The following NEK1 variants were observed in gnomAD, a reference collection of about 807,000 sequenced individuals.
NEK1 encodes NIMA related kinase 1.
Under a neutral mutation model 182.1 loss-of-function variants are expected in NEK1, and 137 were observed. The ratio of observed to expected loss-of-function variants is 0.75; its 90% CI spans 0.65 to 0.87. The LOEUF is 0.87. NEK1 is among the 40% of genes least tolerant of loss of function. The pLI, the probability that NEK1 is intolerant of heterozygous loss-of-function variation, is 0.00. For missense variants in NEK1, 1,391 were observed against 1,494.4 expected (o/e 0.93, Z 1.14); for synonymous variants, 513 against 492.2 (o/e 1.04, Z -0.56).
chr4:169,437,424 T>G (rs1351486780), intron 28 of NEK1, among the ~76,000 whole-genome samples: 2 of 152,174 alleles, frequency 1.3e-5, no homozygotes. Flanking sequence ...GAGGGCAGAC[T>G]ATGGCAGATT....
chr4:169,475,063 C>T (rs1032021349), intron 26 of NEK1, among the ~76,000 whole-genome samples: 1 of 152,114 alleles, frequency 6.6e-6, no homozygotes, highest in Non-Finnish European at 1.5e-5. Context: ...ATGAGATGAT[C>T]CCTATGATTG....
chr4:169,411,217 C>T (rs1030809407), intron 31 of NEK1, among the ~76,000 whole-genome samples: 6 of 151,600 alleles, frequency 4.0e-5, no homozygotes, highest in Non-Finnish European at 8.8e-5. Flanking sequence ...TTAAGCCAAA[C>T]CTAAGGCCAC....
At chr4:169,406,505 TA>T (rs903892146) in intron 32 of NEK1, 90 bp downstream of exon 32, 276 of 904,774 alleles carry the variant, frequency 3.1e-4, no homozygotes, top group African/African-American at 2.9e-3. Context: ...GTTAATGAGT[TA>T]AAAAAAAGAG....
chr4:169,417,868 T>A (rs920235513), intron 31 of NEK1, among the ~76,000 whole-genome samples: 1 of 152,332 alleles, frequency 6.6e-6, no homozygotes. Flanking sequence ...GGAGAAAATA[T>A]CTGGACTTTG....
intron 18 of NEK1, among the ~76,000 whole-genome samples, chr4:169,540,459 T>TA (rs1426245194): frequency 6.6e-6 from 1 of 152,146 alleles, no homozygotes; most frequent in African/African-American, 2.4e-5. Context: ...CCCACATGCT[T>TA]AGTCCTCTCT....
intron 27 of NEK1, among the ~76,000 whole-genome samples, chr4:169,442,314 G>A (rs1214922908): frequency 6.6e-6 from 1 of 152,044 alleles, no homozygotes; most frequent in Non-Finnish European, 1.5e-5. Context: ...AGACACACAG[G>A]AATTCACAGA....
chr4:169,524,028 TG>T (rs1162666552), intron 19 of NEK1, among the ~76,000 whole-genome samples: 4 of 152,226 alleles, frequency 2.6e-5, no homozygotes, highest in Non-Finnish European at 4.4e-5. Context: ...GAGGTTCTTC[TG>T]TTAAGTTATT....
chr4:169,585,283 C>G, intron 10 of NEK1, 66 bp downstream of exon 10: 1 of 1,179,502 alleles, frequency 8.5e-7, no homozygotes, highest in Middle Eastern at 2.0e-4. Flanking sequence ...CTCCTCAACA[C>G]TGGAGGCCAT....
intron 2 of NEK1, among the ~76,000 whole-genome samples, chr4:169,610,382 C>T (rs988105368): frequency 6.6e-6 from 1 of 151,888 alleles, no homozygotes; most frequent in African/African-American, 2.4e-5. Context: ...GGCAGTATCT[C>T]GGCTCACTGC....
At chr4:169,608,141 A>C (rs942236083) in intron 2 of NEK1, among the ~76,000 whole-genome samples, 2 of 152,044 alleles carry the variant, frequency 1.3e-5, no homozygotes, top group African/African-American at 4.8e-5. Context: ...ACACACACAA[A>C]GAAGAAGAAG....
rs536336201 is a variant in NEK1 at position 169,570,940 on chromosome 4, C to A, written c.1020+5988G>T. On this transcript the variant is annotated intron_variant, in intron 12 of 35. Transcript: ENST00000507142. ...CACTCAGGGTTAAATGGATTAAGGG[C>A]GGTGCAAGATGTGCTTTGTTAAACA... 6.5e-3 allele frequency among the ~76,000 whole-genome samples: 985 copies of A among 152,102 alleles called. 10 individuals are homozygous for A. Among genetic ancestry groups the A allele is most frequent in the African/African-American group, 0.023 (946 of 41,502 alleles).
At chr4:169,474,661 T>C (rs1746630593) in intron 26 of NEK1, among the ~76,000 whole-genome samples, 1 of 152,220 alleles carries the variant, frequency 6.6e-6, no homozygotes, top group South Asian at 2.1e-4. Flanking sequence ...CTTCTTTCTT[T>C]GGAACCCATA....
chr4:169,558,519 T>C (rs1160699211), intron 16 of NEK1, among the ~76,000 whole-genome samples: 2 of 152,222 alleles, frequency 1.3e-5, no homozygotes, highest in African/African-American at 4.8e-5. Flanking sequence ...GTAAATAAAA[T>C]CATAAATATG....
At chr4:169,464,463 C>A (rs572085838) in intron 26 of NEK1, among the ~76,000 whole-genome samples, 10 of 152,068 alleles carry the variant, frequency 6.6e-5, no homozygotes, top group African/African-American at 2.2e-4. Context: ...GTCTTTTTGT[C>A]CTTGGGGATG....
At chr4:169,578,990 C>T (rs773759374) in intron 11 of NEK1, among the ~76,000 whole-genome samples, 37 of 152,044 alleles carry the variant, frequency 2.4e-4, no homozygotes, top group Non-Finnish European at 4.4e-4. Flanking sequence ...CCTGGCTAAA[C>T]GTGTTAATAG....
intron 28 of NEK1, among the ~76,000 whole-genome samples, chr4:169,436,431 G>C (rs1043720539): frequency 2.4e-4 from 36 of 152,176 alleles, no homozygotes; most frequent in Admixed American, 5.9e-4. Flanking sequence ...GGGGATTCTT[G>C]CTCTACGGTG....
intron 12 of NEK1, among the ~76,000 whole-genome samples, chr4:169,572,274 C>T (rs1346077882): frequency 2.6e-5 from 4 of 151,796 alleles, no homozygotes; most frequent in African/African-American, 4.8e-5. Flanking sequence ...GTAGTCAGAC[C>T]GTGAATATAT....
At chr4:169,576,291 G>A (rs1385070921) in intron 12 of NEK1, among the ~76,000 whole-genome samples, 1 of 152,104 alleles carries the variant, frequency 6.6e-6, no homozygotes, top group Non-Finnish European at 1.5e-5. Flanking sequence ...CAAAGTGACT[G>A]ATCATTCCTA....
intron 31 of NEK1, among the ~76,000 whole-genome samples, chr4:169,418,447 A>G (rs1734901053): frequency 6.6e-6 from 1 of 152,214 alleles, no homozygotes; most frequent in Non-Finnish European, 1.5e-5. Context: ...GTAGAAAAAT[A>G]AGTCAACAGA....
Sources: gnomAD v4.1 joint callset for allele counts (sites outside exome capture counted in the v4.1 genomes callset) on GRCh38, gnomAD v4.1.1 for gene constraint, MANE v1.5 for transcripts, NCBI Gene and HGNC (gene_info 2026-07-23, HGNC 2026-07-21) for gene names.